COL12A1: variants seen among roughly 807,000 people sequenced by gnomAD.
COL12A1 encodes the protein collagen alpha-1(XII) chain.
Under a neutral mutation model 349.7 loss-of-function variants are expected in COL12A1, and 114 were observed. The ratio of observed to expected loss-of-function variants is 0.33; its 90% confidence interval spans 0.28 to 0.38. The LOEUF (loss-of-function observed/expected upper bound fraction) is 0.38. Among genes scored for constraint, COL12A1 ranks in the 10% least tolerant of loss-of-function variants. COL12A1 has a pLI of 1.00. For synonymous variants in COL12A1, 1,369 were observed against 1,329.0 expected, an observed-to-expected ratio of 1.03 and a Z score of -0.66; for missense variants, 3,284 against 3,756.9, an observed-to-expected ratio of 0.87 and a Z score of 3.29.
At chr6:75,132,449 T>G (rs1766355858) in intron 34 of COL12A1, among the ~76,000 whole-genome samples, 1 of 152,222 alleles carries the variant, frequency 6.6e-6, no homozygotes. Flanking sequence ...GTCTGCCTTC[T>G]AAGTAAAATC....
At chr6:75,124,144 C>A (rs373628614) in intron 41 of COL12A1, 50 bp from the exon 42 acceptor site, 13 of 1,595,444 alleles carry the variant, frequency 8.1e-6, no homozygotes, top group South Asian at 1.1e-5. Context: ...AATTATATTT[C>A]AAGAAAATTT....
Position 75,176,201 on chromosome 6 carries a change from A to G in COL12A1, c.2438-891T>C, listed in dbSNP as rs529558534. 1.9e-4 allele frequency among the ~76,000 whole-genome samples: 29 copies of G among 152,298 alleles called. No individual in the cohort carries two copies. The East Asian group carries it at 4.3e-3, about 22-fold the overall frequency. On this transcript the variant is annotated intron_variant, in intron 12 of 65. Coordinates refer to ENST00000322507, the MANE Select transcript of COL12A1 (RefSeq NM_004370.6). ...CTAGGTTGCAGGGGGAAGAGAGGAGAGTGAAACAGTGAAAGGAGGAAGAGA... is the reference window on the plus strand; with the variant it reads ...CTAGGTTGCAGGGGGAAGAGAGGAGGGTGAAACAGTGAAAGGAGGAAGAGA...
intron 13 of COL12A1, among the ~76,000 whole-genome samples, chr6:75,168,229 T>C (rs1768410766): frequency 6.6e-6 from 1 of 152,224 alleles, no homozygotes; most frequent in Admixed American, 6.5e-5. Context: ...CCCAAACACA[T>C]TGATAATTTT....
intron 3 of COL12A1, among the ~76,000 whole-genome samples, chr6:75,194,310 T>C (rs1039068654): frequency 6.6e-6 from 1 of 152,102 alleles, no homozygotes; most frequent in Admixed American, 6.6e-5. Context: ...GCAAAACAAG[T>C]TTTGTTTAGT....
At position 75,189,496 on chromosome 6, in the gene COL12A1, T is replaced by C. The variant is rs1052791935; in HGVS notation, c.658+56A>G. ...TATGTAATAGGCAATGCATCATTTCTTTCTGAAACAGACATTTCATTTATT... is the reference window on the plus strand; with the variant it reads ...TATGTAATAGGCAATGCATCATTTCCTTCTGAAACAGACATTTCATTTATT... On this transcript the variant is annotated intron_variant, in intron 6 of 65. Coordinates refer to ENST00000322507, the MANE Select transcript of COL12A1 (RefSeq NM_004370.6). 8.5e-5 allele frequency: 135 copies of C among 1,583,348 alleles called. 3 individuals are homozygous for C. The Middle Eastern group carries it at 2.6e-3, about 30-fold the overall frequency.
intron 14 of COL12A1, among the ~76,000 whole-genome samples, chr6:75,158,250 G>A (rs1767856075): frequency 6.6e-6 from 1 of 152,136 alleles, no homozygotes; most frequent in Admixed American, 6.5e-5. Context: ...AAGGTCATCA[G>A]AGTGAAGCCT....
At chr6:75,095,493 T>G (rs961302674) in intron 59 of COL12A1, among the ~76,000 whole-genome samples, 1 of 151,528 alleles carries the variant, frequency 6.6e-6, no homozygotes, top group Admixed American at 6.6e-5. Flanking sequence ...GGCGGGCGCC[T>G]GTAGTCCCAG....
At chr6:75,173,454 G>A (rs1330462119) in intron 13 of COL12A1, among the ~76,000 whole-genome samples, 1 of 151,628 alleles carries the variant, frequency 6.6e-6, no homozygotes, top group African/African-American at 2.4e-5. Flanking sequence ...TCGGCTCACT[G>A]CAACCTCCGC....
chr6:75,130,360 A>G, intron 36 of COL12A1, 127 bp from the exon 37 acceptor site: 3 of 932,976 alleles, frequency 3.2e-6, no homozygotes, highest in Non-Finnish European at 4.7e-6. Flanking sequence ...ATAATAAAAT[A>G]TACATTTATG....
chr6:75,097,679 A>G (rs914622408), intron 58 of COL12A1, among the ~76,000 whole-genome samples: 3 of 152,204 alleles, frequency 2.0e-5, no homozygotes, highest in East Asian at 3.9e-4. Context: ...TACCCATTCT[A>G]TGGAAAAGTC....
chr6:75,102,490 G>A (rs772524398), intron 56 of COL12A1, 107 bp downstream of exon 56: 61 of 811,168 alleles, frequency 7.5e-5, no homozygotes, highest in African/African-American at 2.9e-4. Context: ...GACTAACCTC[G>A]TTGAATTATC....
At chr6:75,127,515 A>G (rs1766076550) in intron 38 of COL12A1, among the ~76,000 whole-genome samples, 1 of 152,204 alleles carries the variant, frequency 6.6e-6, no homozygotes, top group Non-Finnish European at 1.5e-5. Context: ...AATGAAGTGT[A>G]AAACAGCAAT....
In COL12A1 at chr6:75,152,547, A is replaced by G; in HGVS notation, c.3566-65T>C. 3 of 1,577,536 alleles carry G rather than the reference A, an allele frequency of 1.9e-6. No homozygotes were observed. The South Asian group carries it at 3.3e-5, about 18-fold the overall frequency. ...TTGTTGGCAAGGGTACTTCCTTGTCACACCTCTACCACTCCCTGGATCCTC... is the reference window on the plus strand; with the variant it reads ...TTGTTGGCAAGGGTACTTCCTTGTCGCACCTCTACCACTCCCTGGATCCTC... On this transcript the variant is annotated intron_variant, in intron 17 of 65. Coordinates refer to ENST00000322507, the MANE Select transcript of COL12A1 (RefSeq NM_004370.6).
At chr6:75,130,364 AT>A in intron 36 of COL12A1, 131 bp from the exon 37 acceptor site, 1 of 916,670 alleles carries the variant, frequency 1.1e-6, no homozygotes, top group African/African-American at 1.7e-5. Flanking sequence ...TAAAATATAC[AT>A]TTATGGTTTT....
chr6:75,170,273 CT>C (rs1768554407), intron 13 of COL12A1, among the ~76,000 whole-genome samples: 1 of 152,192 alleles, frequency 6.6e-6, no homozygotes, highest in Non-Finnish European at 1.5e-5. Flanking sequence ...TCATATACCA[CT>C]TTCAAAAATA....
chr6:75,166,436 C>T (rs1191634316), intron 13 of COL12A1, among the ~76,000 whole-genome samples: 1 of 152,162 alleles, frequency 6.6e-6, no homozygotes, highest in African/African-American at 2.4e-5. Flanking sequence ...ATAAAACATA[C>T]CACTTGTTCT....
At chr6:75,179,746 T>A (rs185400974) in intron 11 of COL12A1, among the ~76,000 whole-genome samples, 399 of 152,342 alleles carry the variant, frequency 2.6e-3, no homozygotes, top group Non-Finnish European at 4.5e-3. Flanking sequence ...ACAATTGACA[T>A]CTATTGTGAT....
rs1198783904 is a variant in COL12A1 at position 75,091,376 on chromosome 6, G to A, written c.8699C>T (p.Ser2900Phe). 6 of 1,613,668 alleles carry A rather than the reference G, an allele frequency of 3.7e-6. No homozygotes were observed. Among genetic ancestry groups the A allele is most frequent in the Admixed American group, 1.7e-5 (1 of 60,010 alleles). Reference protein sequence around the residue: ...GEKGDRGDIASQNMMRAVARQ... With the variant: ...GEKGDRGDIAFQNMMRAVARQ... Reference sequence around the variant, plus strand: ...TGCAACTGCTCGCATCATGTTCTGGGAAGCAATGTCTCCCTTGTTGAATTA... The same window carrying A: ...TGCAACTGCTCGCATCATGTTCTGGAAAGCAATGTCTCCCTTGTTGAATTA... Residue 2900 changes from serine (S) to phenylalanine (F), a missense_variant, in exon 62 of 66, where the codon TCC (serine) becomes TTC (phenylalanine). Ser to Phe is a radical substitution (Grantham distance 155). Transcript: ENST00000322507.
chr6:75,092,740 A>T (rs1767835352), intron 60 of COL12A1, among the ~76,000 whole-genome samples: 1 of 151,178 alleles, frequency 6.6e-6, no homozygotes, highest in Non-Finnish European at 1.5e-5. Flanking sequence ...TTTAAAGAAA[A>T]ATTAGATCAT....
Sources: gnomAD v4.1 joint callset for allele counts (sites outside exome capture counted in the v4.1 genomes callset) on GRCh38, gnomAD v4.1.1 for gene constraint, MANE v1.5 for transcripts, NCBI Gene and HGNC (gene_info 2026-07-23, HGNC 2026-07-21) for gene names.